PINX1: variants seen among roughly 807,000 people sequenced by gnomAD.
PINX1 encodes the protein PIN2 (TERF1) interacting telomerase inhibitor 1.
A neutral mutation model predicts 25.4 loss-of-function variants in PINX1; 34 were observed. The ratio of observed to expected loss-of-function variants is 1.34; its 90% confidence interval spans 1.02 to 1.78. PINX1 has a LOEUF of 1.78. Ranked by LOEUF, PINX1 falls within the 40% of genes most tolerant of loss-of-function variation. The pLI is 0.00. For synonymous variants in PINX1, 197 were observed against 147.7 expected, an observed-to-expected ratio of 1.33 and a Z score of -2.42; for missense variants, 592 against 404.9, an observed-to-expected ratio of 1.46 and a Z score of -3.97.
chr8:10,818,043 A>G (rs956272802), intron 6 of PINX1, among the ~76,000 whole-genome samples: 2 of 152,204 alleles, frequency 1.3e-5, no homozygotes, highest in Non-Finnish European at 2.9e-5. Flanking sequence ...CATTTGTTTA[A>G]AGCTCATTAG....
intron 6 of PINX1, among the ~76,000 whole-genome samples, chr8:10,782,690 G>A (rs1191840353): frequency 6.6e-6 from 1 of 152,094 alleles, no homozygotes. Context: ...GAGCCGAGAT[G>A]GTGCCACTAC....
At chr8:10,807,730 G>C (rs939353705) in intron 6 of PINX1, among the ~76,000 whole-genome samples, 4 of 152,160 alleles carry the variant, frequency 2.6e-5, no homozygotes, top group East Asian at 3.9e-4. Flanking sequence ...TCTATACCCA[G>C]ACCATCTGCC....
In PINX1 at chr8:10,839,808, T is replaced by C. The variant is rs1798516359; in HGVS notation, c.-52A>G. The stretch of plus-strand genomic sequence containing the variant: ...TCTGGACCTGGGTGACTGCGGCCAC[T>C]GGGCGGGCTGGAGACTCCAGGAGAA... On this transcript the variant is annotated 5_prime_UTR_variant, in exon 1 of 7. Transcript: ENST00000314787. The C allele has an allele frequency of 2.6e-6, 4 of 1,567,132 alleles. No homozygotes were observed. Among genetic ancestry groups the C allele is most frequent in the African/African-American group, 2.7e-5 (2 of 73,940 alleles).
chr8:10,816,802 G>A lies in PINX1; in HGVS notation c.471+3391C>T, dbSNP rs530194748. 3.3e-5 allele frequency among the ~76,000 whole-genome samples: 5 copies of A among 150,190 alleles called. No individual in the cohort carries two copies. In the East Asian group the frequency reaches 7.8e-4, roughly 23 times the overall value. ...ACTTCGGCAGGACTGCTGTATTATC[G>A]GAGAAAGGCTGATTTTGGAATTGGA... is the stretch of plus-strand genomic sequence containing the variant. On this transcript the variant is annotated intron_variant, in intron 6 of 6. Coordinates refer to ENST00000314787, the MANE Select transcript of PINX1 (RefSeq NM_017884.6).
At chr8:10,783,865 C>A (rs1801667779) in intron 6 of PINX1, among the ~76,000 whole-genome samples, 1 of 152,170 alleles carries the variant, frequency 6.6e-6, no homozygotes, top group African/African-American at 2.4e-5. Context: ...GACACTGAGT[C>A]AATTCAAGCC....
chr8:10,787,911 C>T lies in PINX1; in HGVS notation c.472-21995G>A, dbSNP rs905565620. The T allele has an allele frequency of 1.2e-5, 5 of 410,796 alleles. No individual in the cohort carries two copies. In the East Asian group the frequency reaches 2.9e-4, roughly 24 times the overall value. 25.4% of individuals were successfully genotyped at this position (410,796 alleles called of 1,614,324 possible). A position where few individuals can be genotyped will look rare whatever the true frequency, so the allele number is the denominator to read the frequency against. ...TATCAATTAATCTATAATATACAGA[C>T]CTTGTTAGATTCAAATACATATTCA... On this transcript the variant is annotated intron_variant, in intron 6 of 6. Transcript: ENST00000314787.
chr8:10,799,388 C>T (rs1254076114), intron 6 of PINX1, among the ~76,000 whole-genome samples: 1 of 152,300 alleles, frequency 6.6e-6, no homozygotes, highest in East Asian at 1.9e-4. Context: ...CGAGGCCTGA[C>T]AGTTGCTGGG....
At chr8:10,782,550 A>G (rs925978251) in intron 6 of PINX1, among the ~76,000 whole-genome samples, 3 of 152,060 alleles carry the variant, frequency 2.0e-5, no homozygotes, top group Non-Finnish European at 4.4e-5. Flanking sequence ...AACGTGGCCA[A>G]TATGCTGAAA....
At chr8:10,832,298 C>T (rs1053622435) in intron 3 of PINX1, among the ~76,000 whole-genome samples, 2 of 152,078 alleles carry the variant, frequency 1.3e-5, no homozygotes, top group African/African-American at 4.8e-5. Context: ...AAAAATGAAC[C>T]TGGCTTTTAT....
At chr8:10,832,024 A>G (rs1478775171) in intron 3 of PINX1, among the ~76,000 whole-genome samples, 4 of 152,244 alleles carry the variant, frequency 2.6e-5, no homozygotes, top group Non-Finnish European at 5.9e-5. Flanking sequence ...AATAATCAAC[A>G]GGCAACCTGT....
At chr8:10,793,655 G>A (rs1801994644) in intron 6 of PINX1, among the ~76,000 whole-genome samples, 2 of 151,974 alleles carry the variant, frequency 1.3e-5, no homozygotes, top group African/African-American at 4.8e-5. Flanking sequence ...TGGAACGGGG[G>A]CATTTGTTTT....
intron 6 of PINX1, among the ~76,000 whole-genome samples, chr8:10,817,369 A>T (rs1443720407): frequency 6.6e-6 from 1 of 152,228 alleles, no homozygotes; most frequent in Non-Finnish European, 1.5e-5. Flanking sequence ...TTTTCAAACA[A>T]ATCTGATCAA....
chr8:10,787,224 CGTTT>C (rs1013310280), intron 6 of PINX1, among the ~76,000 whole-genome samples: 21 of 151,744 alleles, frequency 1.4e-4, no homozygotes, highest in Middle Eastern at 3.4e-3. Context: ...CACACACACA[CGTTT>C]GTTTGTTTTT....
At chr8:10,771,939 A>G (rs1267677174) in intron 6 of PINX1, among the ~76,000 whole-genome samples, 1 of 152,148 alleles carries the variant, frequency 6.6e-6, no homozygotes, top group Non-Finnish European at 1.5e-5. Context: ...AATAAATAGA[A>G]ACTCAGTCCA....
chr8:10,835,459 G>T (rs1798376174), intron 1 of PINX1, among the ~76,000 whole-genome samples: 1 of 152,078 alleles, frequency 6.6e-6, no homozygotes, highest in South Asian at 2.1e-4. Context: ...ATGCTCTTGG[G>T]GAGAGTCAAC....
At chr8:10,827,435 T>C (rs1033776155) in intron 4 of PINX1, among the ~76,000 whole-genome samples, 2 of 152,078 alleles carry the variant, frequency 1.3e-5, no homozygotes, top group Admixed American at 6.5e-5. Flanking sequence ...GAAAGGTTGA[T>C]CAGAGCAGGT....
chr8:10,809,458 T>G (rs572509279), intron 6 of PINX1, among the ~76,000 whole-genome samples: 7 of 152,204 alleles, frequency 4.6e-5, no homozygotes, highest in African/African-American at 7.2e-5. Context: ...ATAGAAAATA[T>G]AGCTCTGTAA....
intron 6 of PINX1, among the ~76,000 whole-genome samples, chr8:10,776,961 G>T (rs1407818535): frequency 6.6e-6 from 1 of 152,196 alleles, no homozygotes; most frequent in Non-Finnish European, 1.5e-5. Context: ...AGGACAGAAG[G>T]AAAAATAAGC....
intron 1 of PINX1, 70 bp from the exon 2 acceptor site, chr8:10,834,845 T>C (rs1029300223): frequency 5.9e-6 from 6 of 1,023,390 alleles, no homozygotes; most frequent in South Asian, 1.4e-5. Context: ...AACATACACA[T>C]GCACAACTTT....
Sources: allele counts gnomAD v4.1 joint callset (sites outside exome capture counted in the v4.1 genomes callset), GRCh38; gene constraint gnomAD v4.1.1; transcripts MANE v1.5; gene names NCBI Gene and HGNC (gene_info 2026-07-23, HGNC 2026-07-21).